Variants in NOD1 observed in about 807,000 individuals in gnomAD.
The protein encoded by NOD1 is nucleotide-binding oligomerization domain-containing protein 1.
In NOD1, 70 loss-of-function variants were observed where a neutral mutation model predicts 81.2. The ratio of observed to expected loss-of-function variants is 0.86; its 90% CI spans 0.71 to 1.05. NOD1 has a LOEUF of 1.05. Ranked by LOEUF, NOD1 falls within the 50% of genes least tolerant of loss-of-function variation. NOD1 has a pLI of 0.00. For synonymous variants in NOD1, 508 were observed against 526.9 expected, an observed-to-expected ratio of 0.96 and a Z score of 0.49; for missense variants, 1,233 against 1,228.0, an observed-to-expected ratio of 1.00 and a Z score of -0.06.
intron 13 of NOD1, among the ~76,000 whole-genome samples, chr7:30,426,265 C>T (rs753359933): frequency 1.4e-4 from 21 of 152,072 alleles, no homozygotes; most frequent in Non-Finnish European, 3.1e-4. Flanking sequence ...TCCCCCACAC[C>T]TCAAAGTAGC....
In NOD1 at chr7:30,456,487, T is replaced by C. The variant is rs1304102035; in HGVS notation, c.201+234A>G. On this transcript the variant is annotated intron_variant, in intron 4 of 13. Transcript: ENST00000222823. ...TAAAAATGAAGTGTCTGGGAACCAA[T>C]ACACACAGCAATGAGAACTGAGATG... Among the ~76,000 whole-genome samples, 3 of 152,292 alleles carry C rather than the reference T, an allele frequency of 2.0e-5. No homozygotes were observed. The South Asian group carries it at 6.2e-4, about 32-fold the overall frequency.
At chr7:30,460,583 A>G in intron 1 of NOD1, 2 of 985,456 alleles carry the variant, frequency 2.0e-6, no homozygotes, top group Non-Finnish European at 2.4e-6. Flanking sequence ...GCCAGAAAAC[A>G]GGACACACCG....
intron 2 of NOD1, 30 bp downstream of exon 2, chr7:30,459,871 C>T (rs146294357): frequency 2.0e-5 from 3 of 152,628 alleles, no homozygotes; most frequent in African/African-American, 4.8e-5. Flanking sequence ...GACCTTTGCC[C>T]GCCTACCACG....
chr7:30,430,077 C>T (rs1430751312), intron 12 of NOD1, among the ~76,000 whole-genome samples: 1 of 152,106 alleles, frequency 6.6e-6, no homozygotes, highest in Admixed American at 6.5e-5. Flanking sequence ...AAGAAACACA[C>T]CATGGGACAG....
intron 11 of NOD1, among the ~76,000 whole-genome samples, chr7:30,433,595 G>T (rs926713082): frequency 3.3e-5 from 5 of 152,186 alleles, no homozygotes; most frequent in African/African-American, 1.2e-4. Flanking sequence ...AACAGTCACT[G>T]ACTGCACATT....
Position 30,452,676 on chromosome 7 carries a change from C to A in NOD1, c.741G>T (p.Arg247Ser), listed in dbSNP as rs1217108857. The change falls in exon 6 of 14, where the codon AGG (arginine) becomes AGT (serine). Residue 247 changes from arginine (R) to serine (S), a missense_variant. Physicochemically the swap from Arg to Ser is moderately radical, Grantham distance 110 (BLOSUM62 -1). Transcript: ENST00000222823. ...RMFSCFKESD[R>S]LCLQDLLFKH... ...TGAAGAGCAGGTCCTGCAGACACAG[C>A]CTGTCACTTTCCTTGAAGCAGCTGA... The A allele has an allele frequency of 3.1e-6, 5 of 1,613,854 alleles. No homozygotes were observed. Among genetic ancestry groups the A allele is most frequent in the Non-Finnish European group, 4.2e-6 (5 of 1,180,022 alleles).
intron 1 of NOD1, among the ~76,000 whole-genome samples, chr7:30,462,216 A>G (rs527869281): frequency 2.2e-4 from 34 of 152,346 alleles, no homozygotes; most frequent in Admixed American, 1.2e-3. Context: ...GCAGCTTTGC[A>G]TCCTTGCAAA....
intron 4 of NOD1, among the ~76,000 whole-genome samples, chr7:30,456,483 C>A (rs942917969): frequency 2.0e-4 from 31 of 152,300 alleles, no homozygotes; most frequent in Admixed American, 1.0e-3. Flanking sequence ...TGTCTGGGAA[C>A]CAATACACAC....
At chr7:30,465,178 C>T (rs1175599766) in intron 1 of NOD1, among the ~76,000 whole-genome samples, 1 of 152,192 alleles carries the variant, frequency 6.6e-6, no homozygotes, top group Non-Finnish European at 1.5e-5. Context: ...TGCTCCCCTG[C>T]AGCCCTCTGT....
intron 6 of NOD1, 54 bp from the exon 7 acceptor site, chr7:30,448,435 G>T: frequency 7.1e-7 from 1 of 1,405,168 alleles, no homozygotes; most frequent in South Asian, 1.2e-5. Context: ...CATTATGAAG[G>T]ACCATTAATC....
At position 30,451,127 on chromosome 7, in the gene NOD1, G is replaced by A. The variant is rs1040802883; in HGVS notation, c.2201+89C>T. On this transcript the variant is annotated intron_variant, in intron 6 of 13. Coordinates refer to ENST00000222823, the MANE Select transcript of NOD1 (RefSeq NM_006092.4). The surrounding 1 kb of genome is among the most constrained non-coding windows in gnomAD (Gnocchi z 4.2). Reference sequence around the variant, plus strand: ...CCAAGGGCCATGGTCATGAGTCCTGGGGGATCCTGGTCCATGATGCCATTC... The same window carrying A: ...CCAAGGGCCATGGTCATGAGTCCTGAGGGATCCTGGTCCATGATGCCATTC... 7.0e-7 allele frequency: 1 copy of A among 1,427,888 alleles called. No homozygotes were observed. Among genetic ancestry groups the A allele is most frequent in the Admixed American group, 2.1e-5 (1 of 48,072 alleles). 88.5% of individuals were successfully genotyped at this position (1,427,888 alleles called of 1,614,324 possible). A position where few individuals can be genotyped will look rare whatever the true frequency, so the allele number is the denominator to read the frequency against.
chr7:30,473,904 C>A (rs1177493176), intron 1 of NOD1, among the ~76,000 whole-genome samples: 1 of 152,076 alleles, frequency 6.6e-6, no homozygotes, highest in East Asian at 1.9e-4. Context: ...CTCTATAAAA[C>A]AAGGGAAATG....
At chr7:30,457,817 A>G (rs899582273) in intron 3 of NOD1, among the ~76,000 whole-genome samples, 3 of 152,158 alleles carry the variant, frequency 2.0e-5, no homozygotes, top group Non-Finnish European at 4.4e-5. Context: ...AGCCAGAGGC[A>G]AGGAACCTGC....
chr7:30,450,318 G>A (rs1399274368), intron 6 of NOD1, among the ~76,000 whole-genome samples: 2 of 152,094 alleles, frequency 1.3e-5, no homozygotes, highest in Admixed American at 6.5e-5. Flanking sequence ...CCCAGGCTAG[G>A]GCAGCCTTCG....
chr7:30,459,615 C>T (rs541292447), intron 2 of NOD1, among the ~76,000 whole-genome samples: 55 of 152,302 alleles, frequency 3.6e-4, no homozygotes, highest in Non-Finnish European at 7.2e-4. Context: ...TTACTGTATT[C>T]CAGCTAGTCC....
Position 30,451,425 on chromosome 7 carries a change from G to C in NOD1, c.1992C>G (p.Ser664Arg), listed in dbSNP as rs1785691302. 6.2e-7 allele frequency: 1 copy of C among 1,613,862 alleles called. No homozygotes were observed. The highest frequency in any genetic ancestry group is 1.3e-5 in the African/African-American group (1 of 75,052). Residue 664 changes from serine (S) to arginine (R), a missense_variant, in exon 6 of 14, where the codon AGC (serine) becomes AGG (arginine). Transcript: ENST00000222823. The surrounding 1 kb of genome is among the most constrained non-coding windows in gnomAD (Gnocchi z 4.2). Reference protein sequence around the residue: ...WMLRCIYETQSQKVGQLAARG... With the variant: ...WMLRCIYETQRQKVGQLAARG... ...TGGCCGCCAGCTGCCCCACCTTCTG[G>C]CTCTGTGTCTCGTAGATGCAGCGCA...
At chr7:30,446,082 G>T in intron 9 of NOD1, 59 bp downstream of exon 9, 1 of 1,334,192 alleles carries the variant, frequency 7.5e-7, no homozygotes, top group South Asian at 1.2e-5. Context: ...AGAACAGCAA[G>T]GCCCGCCCCC....
intron 4 of NOD1, among the ~76,000 whole-genome samples, 166 bp from the exon 5 acceptor site, chr7:30,455,477 T>G (rs1786255447): frequency 6.6e-6 from 1 of 152,106 alleles, no homozygotes; most frequent in Non-Finnish European, 1.5e-5. Context: ...CCCGAAAATC[T>G]GTGAAATGAC....
At chr7:30,432,858 G>A (rs546511793) in intron 12 of NOD1, among the ~76,000 whole-genome samples, 47 of 152,262 alleles carry the variant, frequency 3.1e-4, no homozygotes, top group Admixed American at 1.6e-3. Flanking sequence ...GACAGAAAGC[G>A]GATTAGTGGT....
Sources: allele counts gnomAD v4.1 joint callset (sites outside exome capture counted in the v4.1 genomes callset), GRCh38; gene constraint gnomAD v4.1.1; non-coding constraint Gnocchi (gnomAD v3.1); transcripts MANE v1.5; gene names NCBI Gene and HGNC (gene_info 2026-07-23, HGNC 2026-07-21).